The following BAG6 variants were observed in gnomAD, a reference collection of about 807,000 sequenced individuals.
BAG6 encodes the protein large proline-rich protein BAG6.
Under a neutral mutation model 121.0 loss-of-function variants are expected in BAG6, and 22 were observed. The observed-to-expected ratio is 0.18, with a 90% CI of 0.13 to 0.26. The LOEUF is 0.26. Ranked by LOEUF, BAG6 falls within the 10% of genes least tolerant of loss-of-function variation. The pLI is 1.00. For synonymous variants in BAG6, 583 were observed against 584.6 expected (o/e 1.00, Z 0.04); for missense variants, 1,233 against 1,537.7 (o/e 0.80, Z 3.31).
chr6:31,639,324 C>CG (rs1031896681), intron 25 of BAG6, 98 bp from the exon 26 acceptor site: 3 of 1,453,828 alleles, frequency 2.1e-6, no homozygotes, highest in African/African-American at 2.8e-5. Context: ...ACATTTCCCC[C>CG]CCCAAGCACA....
In BAG6 at chr6:31,642,879, CCA is replaced by C; in HGVS notation, c.1991_1992del (p.Val664GlyfsTer14). Reference sequence around the variant, plus strand: ...AGAAAGGCAGGGACACCAGGCATCGCCACAGTGATGGTGGGAGAAGCCACACC... The same window carrying C: ...AGAAAGGCAGGGACACCAGGCATCGCCAGTGATGGTGGGAGAAGCCACACC... ...GSGVASPTIT[V>X]AMPGVPAFLQ... is the part of the protein sequence containing the mutation. On this transcript the variant is annotated frameshift_variant, in exon 15 of 26. Coordinates refer to ENST00000676615, the MANE Select transcript of BAG6 (RefSeq NM_001387994.1). LOFTEE classifies it high-confidence loss of function. 1 of 1,612,384 alleles carries C rather than the reference CCA, an allele frequency of 6.2e-7. No homozygotes were observed. Among genetic ancestry groups the C allele is most frequent in the Non-Finnish European group, 8.5e-7 (1 of 1,179,458 alleles).
intron 6 of BAG6, among the ~76,000 whole-genome samples, chr6:31,648,312 G>A (rs1350869013): frequency 5.3e-5 from 8 of 152,078 alleles, no homozygotes; most frequent in Middle Eastern, 3.2e-3. Context: ...CACCACACCC[G>A]GCCACAGCAT....
intron 7 of BAG6, 58 bp from the exon 8 acceptor site, chr6:31,646,581 A>G: frequency 6.3e-7 from 1 of 1,594,752 alleles, no homozygotes; most frequent in Admixed American, 1.7e-5. Flanking sequence ...CCACCCTCAC[A>G]GTCAACAGGG....
In BAG6 at chr6:31,649,280, G is replaced by A; in HGVS notation, c.342C>T (p.Pro114=). 1.2e-6 allele frequency: 2 copies of A among 1,613,168 alleles called. No homozygotes were observed. The highest frequency in any genetic ancestry group is 1.7e-6 in the Non-Finnish European group (2 of 1,180,026). ...SASATHGGGS[P]PGTRGPGASV... ...AGGCCCCAGGCCCCCGAGTACCAGG[G>A]GGGGATCCCCCACCATGAGTGGCTG... The change falls in exon 4 of 26, where the codon CCC becomes CCT. Residue 114 remains proline (P), a synonymous_variant. Transcript: ENST00000676615.
intron 4 of BAG6, 91 bp from the exon 5 acceptor site, chr6:31,649,055 T>C (rs1793392025): frequency 6.7e-7 from 1 of 1,497,154 alleles, no homozygotes. Flanking sequence ...TACCTCCTTT[T>C]CTCCTTAAAG....
Position 31,652,648 on chromosome 6 carries a change from C to G in BAG6, c.-238G>C, listed in dbSNP as rs1410166763. ...CACCGCTGTCGCCCGGGGGACCGTA[C>G]TACGCCTGCGTGCGTCGCACTACGG... On this transcript the variant is annotated 5_prime_UTR_variant, in exon 1 of 26. Coordinates refer to ENST00000676615, the MANE Select transcript of BAG6 (RefSeq NM_001387994.1). 6.6e-6 allele frequency: 1 copy of G among 152,586 alleles called. No individual in the cohort carries two copies. Among genetic ancestry groups the G allele is most frequent in the Non-Finnish European group, 1.5e-5 (1 of 68,220 alleles). The allele number at this position is 152,586 out of a possible 1,614,324, so 9.5% of individuals were successfully genotyped here. A position where few individuals can be genotyped will look rare whatever the true frequency, so the allele number is the denominator to read the frequency against.
intron 1 of BAG6, 23 bp from the exon 2 acceptor site, chr6:31,651,799 A>G (rs3117583): frequency 0.18 from 278,993 of 1,590,808 alleles, 26,329 homozygotes; most frequent in African/African-American, 0.2. Context: ...GAAGGAAGGA[A>G]GGCCCGCTGT....
rs1355766048 is a variant in BAG6 at position 31,643,119 on chromosome 6, T to C, written c.1757-4A>G. ...GCCATACCTGGGGTCCCCTGAGCTGTAAGAAACCAAAAAAAGAAAGCTGGG... is the reference window on the plus strand; with the variant it reads ...GCCATACCTGGGGTCCCCTGAGCTGCAAGAAACCAAAAAAAGAAAGCTGGG... On this transcript the variant is annotated splice_region_variant and splice_polypyrimidine_tract_variant and intron_variant, in intron 14 of 25. Transcript: ENST00000676615. 6.4e-7 allele frequency: 1 copy of C among 1,552,444 alleles called. No homozygotes were observed. Among genetic ancestry groups the C allele is most frequent in the African/African-American group, 1.4e-5 (1 of 73,156 alleles).
rs993104131 is a variant in BAG6 at position 31,639,637 on chromosome 6, C to A, written c.3256G>T (p.Gly1086Cys). The A allele has an allele frequency of 6.2e-7, 1 of 1,610,442 alleles. No individual in the cohort carries two copies. Among genetic ancestry groups the A allele is most frequent in the African/African-American group, 1.3e-5 (1 of 74,932 alleles). The change falls in exon 25 of 26, where the codon GGT becomes TGT. Residue 1086 changes from glycine (G) to cysteine (C), a missense_variant. Coordinates refer to ENST00000676615, the MANE Select transcript of BAG6 (RefSeq NM_001387994.1). Reference sequence around the variant, plus strand: ...GAGAGAAGCAGCTGGGGGCCCTCACCCTGCATCGTCTGGGGGACAGGGGGT... The same window carrying A: ...GAGAGAAGCAGCTGGGGGCCCTCACACTGCATCGTCTGGGGGACAGGGGGT... ...MPAKRRKTMQ[G>C]EGPQLLLSEA...
intron 7 of BAG6, 75 bp from the exon 8 acceptor site, chr6:31,646,598 T>C: frequency 6.4e-7 from 1 of 1,559,220 alleles, no homozygotes; most frequent in East Asian, 2.3e-5. Flanking sequence ...AGGGACCACA[T>C]GTGCCCTCTT....
At position 31,640,371 on chromosome 6, in the gene BAG6, T is replaced by C; in HGVS notation, c.3138+14A>G. ...CAGCTGCCATGACCCACTGGATTACTTCCTGACACTTACTGGGGGGACTGC... is the reference window on the plus strand; with the variant it reads ...CAGCTGCCATGACCCACTGGATTACCTCCTGACACTTACTGGGGGGACTGC... On this transcript the variant is annotated intron_variant, in intron 23 of 25. Transcript: ENST00000676615. This position sits in a 1 kb window ranked among gnomAD's most constrained non-coding sequence, Gnocchi z 4.2. 6.2e-7 allele frequency: 1 copy of C among 1,614,210 alleles called. No individual in the cohort carries two copies. Among genetic ancestry groups the C allele is most frequent in the South Asian group, 1.1e-5 (1 of 91,082 alleles).
chr6:31,643,831 G>A (rs1785669263), intron 14 of BAG6, 59 bp downstream of exon 14: 1 of 1,540,234 alleles, frequency 6.5e-7, no homozygotes, highest in African/African-American at 1.4e-5. Context: ...ACTGGAAAGT[G>A]CCAGTGAGCA....
chr6:31,644,344 A>G lies in BAG6; in HGVS notation c.1518T>C (p.His506=), dbSNP rs1441226475. The change falls in exon 12 of 26, where the codon CAT becomes CAC. Residue 506 remains histidine (H), a synonymous_variant. Transcript: ENST00000676615. The surrounding 1 kb of genome is among the most constrained non-coding windows in gnomAD (Gnocchi z 4.9). ...AGGCAACAGCTGCCACCATGGCCTG[A>G]TGAGTGATCTGGTGGGCGACGGCGT... The part of the protein sequence containing the change: ...FMHAVAHQIT[H]QAMVAAVASA... 3 of 1,551,536 alleles carry G rather than the reference A, an allele frequency of 1.9e-6. No homozygotes were observed. Among genetic ancestry groups the G allele is most frequent in the African/African-American group, 1.4e-5 (1 of 73,072 alleles).
chr6:31,648,233 T>C (rs976786472), intron 6 of BAG6, among the ~76,000 whole-genome samples: 1 of 152,022 alleles, frequency 6.6e-6, no homozygotes, highest in Non-Finnish European at 1.5e-5. Flanking sequence ...CCAGGCTGGA[T>C]TGGAACTCCT....
chr6:31,643,850 AAGG>A, intron 14 of BAG6, 37 bp downstream of exon 14: 1 of 1,599,074 alleles, frequency 6.3e-7, no homozygotes, highest in Non-Finnish European at 8.5e-7. Context: ...CAGACTAGGA[AAGG>A]AGTTTAAACT....
At chr6:31,639,372 C>T in intron 25 of BAG6, 128 bp downstream of exon 25, 1 of 1,494,364 alleles carries the variant, frequency 6.7e-7, no homozygotes. Context: ...CAAGCCTTCC[C>T]AGATGCCAAA....
intron 6 of BAG6, 84 bp downstream of exon 6, chr6:31,648,593 T>C: frequency 1.5e-6 from 2 of 1,326,868 alleles, no homozygotes; most frequent in East Asian, 2.3e-5. Context: ...CCTGTGGATG[T>C]GGCCAGTGAA....
In BAG6 at chr6:31,644,395, C is replaced by T; in HGVS notation, c.1467G>A (p.Leu489=). ...GCATGAACTCAGGGGGCAGGGAGGG[C>T]AGCTGGATGAGGGTGGAGCCTGGGG... The part of the protein sequence containing the change: ...GQTLGSTLIQ[L]PSLPPEFMHA... Residue 489 remains leucine (L), a synonymous_variant, in exon 12 of 26, where the codon CTG becomes CTA. Transcript: ENST00000676615. The surrounding 1 kb of genome is among the most constrained non-coding windows in gnomAD (Gnocchi z 4.9). 6.4e-7 allele frequency: 1 copy of T among 1,551,722 alleles called. No individual in the cohort carries two copies.
rs1335167346 is a variant in BAG6 at position 31,639,620 on chromosome 6, C to T, written c.3273G>A (p.Leu1091=). 4.3e-6 allele frequency: 7 copies of T among 1,613,086 alleles called. No individual in the cohort carries two copies. The highest frequency in any genetic ancestry group is 1.7e-4 in the Middle Eastern group (1 of 5,952). The change falls in exon 25 of 26, where the codon CTG becomes CTA. Residue 1091 remains leucine (L), a synonymous_variant. Coordinates refer to ENST00000676615, the MANE Select transcript of BAG6 (RefSeq NM_001387994.1). ...RKTMQGEGPQ[L]LLSEAVSRAA... Reference sequence around the variant, plus strand: ...CCCGGCTCACAGCCTCTGAGAGAAGCAGCTGGGGGCCCTCACCCTGCATCG... The same window carrying T: ...CCCGGCTCACAGCCTCTGAGAGAAGTAGCTGGGGGCCCTCACCCTGCATCG...
Sources: gnomAD v4.1 joint callset for allele counts (sites outside exome capture counted in the v4.1 genomes callset) on GRCh38, gnomAD v4.1.1 for gene constraint, Gnocchi (gnomAD v3.1) non-coding constraint, MANE v1.5 for transcripts, NCBI Gene and HGNC (gene_info 2026-07-23, HGNC 2026-07-21) for gene names.